The following SLC41A2 variants were observed in gnomAD, a reference collection of about 807,000 sequenced individuals.
The protein encoded by SLC41A2 is solute carrier family 41 member 2.
A neutral mutation model predicts 58.3 loss-of-function variants in SLC41A2; 32 were observed. The ratio of observed to expected loss-of-function variants is 0.55; its 90% CI spans 0.41 to 0.74. The LOEUF (loss-of-function observed/expected upper bound fraction) is 0.74. Among genes scored for constraint, SLC41A2 ranks in the 30% least tolerant of loss-of-function variants. SLC41A2 has a pLI of 0.00. For missense variants in SLC41A2, 514 were observed against 680.6 expected (o/e 0.76, Z 2.72); for synonymous variants, 190 against 235.0 (o/e 0.81, Z 1.75).
intron 10 of SLC41A2, 85 bp from the exon 11 acceptor site, chr12:104,805,422 C>T: frequency 5.5e-6 from 6 of 1,097,414 alleles, no homozygotes; most frequent in Non-Finnish European, 7.7e-6. Context: ...CCACTGGCTT[C>T]TGGAAGGGAC....
intron 1 of SLC41A2, among the ~76,000 whole-genome samples, chr12:104,932,329 T>C (rs1331402174): frequency 6.6e-6 from 1 of 152,136 alleles, no homozygotes; most frequent in Non-Finnish European, 1.5e-5. Context: ...CAAACTATAC[T>C]ATAAGGATAT....
In SLC41A2 at chr12:104,806,221, C is replaced by A. The variant is rs1052234707; in HGVS notation, c.1537-884G>T. On this transcript the variant is annotated intron_variant, in intron 10 of 10. Coordinates refer to ENST00000258538, the MANE Select transcript of SLC41A2 (RefSeq NM_001352171.3). ...TAATGCTATCCCTCCCCACTCCCCC[C>A]ACCCCACAACAGGCCCCGGTGTGTG... is the stretch of plus-strand genomic sequence containing the variant. Among the ~76,000 whole-genome samples the A allele has an allele frequency of 3.9e-5, 6 of 152,032 alleles. No individual in the cohort carries two copies. In the South Asian group the frequency reaches 1.0e-3, roughly 26 times the overall value.
chr12:104,895,432 CA>C, intron 3 of SLC41A2, 87 bp from the exon 4 acceptor site: 1 of 863,866 alleles, frequency 1.2e-6, no homozygotes, highest in Non-Finnish European at 1.9e-6. Context: ...TCTTAAAGCC[CA>C]AAATAATTCT....
intron 3 of SLC41A2, among the ~76,000 whole-genome samples, chr12:104,895,940 A>G (rs2045261415): frequency 6.6e-6 from 1 of 152,122 alleles, no homozygotes; most frequent in African/African-American, 2.4e-5. Flanking sequence ...TCACCCACAT[A>G]CTCAATTGTT....
At chr12:104,813,847 G>C (rs961606414) in intron 10 of SLC41A2, among the ~76,000 whole-genome samples, 17 of 151,182 alleles carry the variant, frequency 1.1e-4, no homozygotes, top group African/African-American at 4.2e-4. Context: ...TGTTGGCCAG[G>C]CTGGTCTCGA....
At chr12:104,866,282 T>C (rs1593026134) in intron 7 of SLC41A2, 150 bp downstream of exon 7, 3 of 1,175,114 alleles carry the variant, frequency 2.6e-6, no homozygotes, top group Non-Finnish European at 3.2e-6. Context: ...GAATTGGCTA[T>C]ATAAAATAAT....
rs1026204186 is a variant in SLC41A2, at chr12:104,866,472, A to C, written c.1135T>G (p.Ser379Ala). 1.2e-6 allele frequency: 2 copies of C among 1,612,752 alleles called. No homozygotes were observed. Among genetic ancestry groups the C allele is most frequent in the Non-Finnish European group, 1.7e-6 (2 of 1,179,460 alleles). ...GCTGTTATGACAGGCTCCCAGCCTG[A>C]GTGGAGAACTGTTCTTGTGGCTGGA... ...KHPATRTVLHSGWEPVITAMV... is the reference protein window; with the variant it reads ...KHPATRTVLHAGWEPVITAMV... Residue 379 changes from serine (S) to alanine (A), a missense_variant, in exon 7 of 11, where the codon TCA becomes GCA. Transcript: ENST00000258538.
At chr12:104,887,188 T>C (rs1208260364) in intron 5 of SLC41A2, among the ~76,000 whole-genome samples, 2 of 151,994 alleles carry the variant, frequency 1.3e-5, no homozygotes, top group Admixed American at 1.3e-4. Context: ...GAGGATGTAG[T>C]AAAGAGAAAA....
Position 104,866,529 on chromosome 12 carries a change from T to C in SLC41A2, c.1078A>G (p.Thr360Ala). The C allele has an allele frequency of 6.2e-7, 1 of 1,609,128 alleles. No individual in the cohort carries two copies. Among genetic ancestry groups the C allele is most frequent in the Non-Finnish European group, 8.5e-7 (1 of 1,178,600 alleles). ...GCAGCTATTATAATCCAAATAGGGG[T>C]TAGAGCCAAGAAAAATACACCAACT... is the stretch of plus-strand genomic sequence containing the variant. ...PLVGVFFLAL[T>A]PIWIIIAAKH... Residue 360 changes from threonine (T) to alanine (A), a missense_variant, in exon 7 of 11, where the codon ACC becomes GCC. This residue lies in a region of SLC41A2 where 336 missense variants were observed against 430.0 expected (regional missense o/e 0.78). Transcript: ENST00000258538.
rs1272873332 is a variant in SLC41A2 at position 104,892,328 on chromosome 12, A to AAAAAAAAAAAAAAAAAAAAAAAAAC, written c.735+2945_735+2946insGTTTTTTTTTTTTTTTTTTTTTTTT. On this transcript the variant is annotated intron_variant, in intron 4 of 10. Coordinates refer to ENST00000258538, the MANE Select transcript of SLC41A2 (RefSeq NM_001352171.3). ...AAATAAAATAAAATAAAATAAAATA[A>AAAAAAAAAAAAAAAAAAAAAAAAAC]AATAAAATATTGATGCAAGAAATTG... is the stretch of plus-strand genomic sequence containing the variant. Among the ~76,000 whole-genome samples the AAAAAAAAAAAAAAAAAAAAAAAAAC allele has an allele frequency of 3.9e-5, 5 of 126,918 alleles. 1 individual carries two copies. Among genetic ancestry groups the AAAAAAAAAAAAAAAAAAAAAAAAAC allele is most frequent in the East Asian group, 6.8e-4 (2 of 2,924 alleles). 83.3% of individuals were successfully genotyped at this position (126,918 alleles called of 152,430 possible). A position where few individuals can be genotyped will look rare whatever the true frequency, so the allele number is the denominator to read the frequency against.
Position 104,889,116 on chromosome 12 carries a change from G to A in SLC41A2, c.797C>T (p.Pro266Leu). ...ATGATCAAGGTAATATTTTCCTTCTGGAATCCAGCCCAATATAATTGCTGC... is the reference window on the plus strand; with the variant it reads ...ATGATCAAGGTAATATTTTCCTTCTAGAATCCAGCCCAATATAATTGCTGC... Reference protein sequence around the residue: ...AVAAIILGWIPEGKYYLDHSI... With the variant: ...AVAAIILGWILEGKYYLDHSI... Residue 266 changes from proline (P) to leucine (L), a missense_variant, in exon 5 of 11, where the codon CCA becomes CTA. Physicochemically the swap from Pro to Leu is moderately conservative, Grantham distance 98 (BLOSUM62 -3). Coordinates refer to ENST00000258538, the MANE Select transcript of SLC41A2 (RefSeq NM_001352171.3). The A allele has an allele frequency of 6.2e-7, 1 of 1,611,294 alleles. No individual in the cohort carries two copies.
chr12:104,937,479 T>C (rs1211137344), intron 1 of SLC41A2, among the ~76,000 whole-genome samples: 1 of 152,228 alleles, frequency 6.6e-6, no homozygotes, highest in Non-Finnish European at 1.5e-5. Context: ...GTATAACACG[T>C]TACTGTACTG....
intron 6 of SLC41A2, among the ~76,000 whole-genome samples, chr12:104,884,622 TTC>T: frequency 6.6e-6 from 1 of 152,220 alleles, no homozygotes; most frequent in Non-Finnish European, 1.5e-5. Flanking sequence ...CTTTATCCTC[TTC>T]TACCCCTCTT....
chr12:104,944,888 T>C lies in SLC41A2; in HGVS notation c.-168+13200A>G, dbSNP rs188566814. ...TTCAATGTAAAAAAAAAAAAAAAGG[T>C]CAGGCATCACAGTGGCTGATGCCTA... is the stretch of plus-strand genomic sequence containing the variant. On this transcript the variant is annotated intron_variant, in intron 1 of 10. Coordinates refer to ENST00000258538, the MANE Select transcript of SLC41A2 (RefSeq NM_001352171.3). Among the ~76,000 whole-genome samples the C allele has an allele frequency of 1.3e-3, 188 of 145,240 alleles. 2 individuals carry two copies. The East Asian group carries it at 0.013, about 10-fold the overall frequency.
rs143160845 is a variant in SLC41A2, at chr12:104,861,762, T to C, written c.1176-392A>G. On this transcript the variant is annotated intron_variant, in intron 7 of 10. Coordinates refer to ENST00000258538, the MANE Select transcript of SLC41A2 (RefSeq NM_001352171.3). ...TTATTAATTTTTTAAAACCATGCCA[T>C]TGATCACTCTTATAATTTAAAAAAT... is the stretch of plus-strand genomic sequence containing the variant. Among the ~76,000 whole-genome samples the C allele has an allele frequency of 3.2e-4, 49 of 152,320 alleles. No homozygotes were observed. In the East Asian group the frequency reaches 8.5e-3, roughly 26 times the overall value.
chr12:104,845,824 A>G lies in SLC41A2; in HGVS notation c.1387+19T>C. ...AATAGCCCTTGATCTAAAATATGCA[A>G]AAATCCATAAGCACATACCTGGACC... is the stretch of plus-strand genomic sequence containing the variant. On this transcript the variant is annotated intron_variant, in intron 9 of 10. Coordinates refer to ENST00000258538, the MANE Select transcript of SLC41A2 (RefSeq NM_001352171.3). 1 of 1,590,410 alleles carries G rather than the reference A, an allele frequency of 6.3e-7. No individual in the cohort carries two copies. Among genetic ancestry groups the G allele is most frequent in the Non-Finnish European group, 8.6e-7 (1 of 1,165,622 alleles).
At chr12:104,851,406 C>T (rs1039867526) in intron 8 of SLC41A2, among the ~76,000 whole-genome samples, 6 of 151,890 alleles carry the variant, frequency 4.0e-5, no homozygotes, top group African/African-American at 1.5e-4. Context: ...TTTTTAGAGA[C>T]AGGGTCTTGT....
At chr12:104,825,674 A>G (rs2041816476) in intron 10 of SLC41A2, among the ~76,000 whole-genome samples, 1 of 152,234 alleles carries the variant, frequency 6.6e-6, no homozygotes, top group Non-Finnish European at 1.5e-5. Context: ...AGATACAAAC[A>G]GCCTCTGAAA....
intron 8 of SLC41A2, among the ~76,000 whole-genome samples, chr12:104,849,602 A>G (rs1052787273): frequency 6.6e-6 from 1 of 152,166 alleles, no homozygotes; most frequent in African/African-American, 2.4e-5. Context: ...CTGAGGCAGG[A>G]GAATCGCTTG....
Sources: allele counts gnomAD v4.1 joint callset (sites outside exome capture counted in the v4.1 genomes callset), GRCh38; gene constraint gnomAD v4.1.1; regional missense constraint gnomAD v4.1.1; transcripts MANE v1.5; gene names NCBI Gene and HGNC (gene_info 2026-07-23, HGNC 2026-07-21).